Variants in SASS6 observed in about 807,000 individuals in gnomAD.
The protein encoded by SASS6 is spindle assembly abnormal protein 6 homolog.
In SASS6, 59 loss-of-function variants were observed where a neutral mutation model predicts 94.9. That is an observed-to-expected ratio of 0.62 (90% CI 0.50 to 0.77). The LOEUF (loss-of-function observed/expected upper bound fraction) is 0.77. Among genes scored for constraint, SASS6 ranks in the 30% least tolerant of loss-of-function variants. The pLI is 0.00. For synonymous variants in SASS6, 264 were observed against 270.0 expected, an observed-to-expected ratio of 0.98 and a Z score of 0.22; for missense variants, 698 against 734.1, an observed-to-expected ratio of 0.95 and a Z score of 0.57.
chr1:100,131,488 A>G (rs1310989800), intron 1 of SASS6, among the ~76,000 whole-genome samples: 1 of 152,248 alleles, frequency 6.6e-6, no homozygotes. Flanking sequence ...AAAAATTGAC[A>G]TATTTTACAT....
intron 14 of SASS6, among the ~76,000 whole-genome samples, chr1:100,101,866 C>T (rs1449201101): frequency 6.6e-6 from 1 of 152,238 alleles, no homozygotes; most frequent in East Asian, 1.9e-4. Context: ...AAAAAGAGCA[C>T]ATGCCTAAGC....
At chr1:100,123,177 A>G (rs376445155) in intron 3 of SASS6, 33 bp downstream of exon 3, 10 of 879,566 alleles carry the variant, frequency 1.1e-5, no homozygotes, top group African/African-American at 8.6e-5. Flanking sequence ...TTATTTTTTC[A>G]CTAAATATAA....
Position 100,085,270 on chromosome 1 carries a change from AT to A in SASS6, c.*57del. On this transcript the variant is annotated 3_prime_UTR_variant, in exon 17 of 17. Coordinates refer to ENST00000287482, the MANE Select transcript of SASS6 (RefSeq NM_194292.3). ...TTGAGGATCTGGTTTGTGTTGACAT[AT>A]TTTTTAAGCACCTGAGTTTCTAAAA... is the stretch of plus-strand genomic sequence containing the variant. 1 of 1,088,746 alleles carries A rather than the reference AT, an allele frequency of 9.2e-7. No homozygotes were observed. The highest frequency in any genetic ancestry group is 1.2e-5 in the South Asian group (1 of 80,314). 67.4% of individuals were successfully genotyped at this position (1,088,746 alleles called of 1,614,324 possible).
intron 12 of SASS6, 32 bp from the exon 13 acceptor site, chr1:100,105,935 A>G: frequency 7.2e-7 from 1 of 1,394,608 alleles, no homozygotes; most frequent in Non-Finnish European, 9.8e-7. Context: ...CAAGGTAAAG[A>G]ATATTGACTG....
At chr1:100,100,912 G>T (rs911944499) in intron 14 of SASS6, among the ~76,000 whole-genome samples, 4 of 152,114 alleles carry the variant, frequency 2.6e-5, no homozygotes, top group African/African-American at 9.7e-5. Flanking sequence ...ATTCACTGAG[G>T]TCTGAGAAGA....
At chr1:100,087,038 C>T (rs2101635031) in intron 15 of SASS6, among the ~76,000 whole-genome samples, 1 of 152,250 alleles carries the variant, frequency 6.6e-6, no homozygotes, top group African/African-American at 2.4e-5. Context: ...GGCTGGAGCA[C>T]AGTGGCACAA....
chr1:100,102,875 CT>C (rs1221588356), intron 14 of SASS6, 79 bp downstream of exon 14: 2 of 1,109,078 alleles, frequency 1.8e-6, no homozygotes, highest in Non-Finnish European at 2.6e-6. Flanking sequence ...AATAAATGAA[CT>C]TTTAAAAGAT....
chr1:100,086,783 T>C (rs1031998432), intron 15 of SASS6, among the ~76,000 whole-genome samples: 1 of 151,084 alleles, frequency 6.6e-6, no homozygotes, highest in African/African-American at 2.4e-5. Flanking sequence ...CAGACTCAAG[T>C]GATCCTCCTG....
At chr1:100,089,252 C>T (rs1008709895) in intron 14 of SASS6, among the ~76,000 whole-genome samples, 3 of 152,006 alleles carry the variant, frequency 2.0e-5, no homozygotes, top group African/African-American at 7.2e-5. Context: ...TAAACTAAGT[C>T]TCCCTGGGAA....
intron 2 of SASS6, among the ~76,000 whole-genome samples, chr1:100,125,108 C>T (rs1294287633): frequency 6.6e-6 from 1 of 152,046 alleles, no homozygotes; most frequent in Non-Finnish European, 1.5e-5. Context: ...GAGACTGATA[C>T]TCTAAATGCC....
At chr1:100,127,716 G>C (rs1265457113) in intron 1 of SASS6, among the ~76,000 whole-genome samples, 1 of 152,040 alleles carries the variant, frequency 6.6e-6, no homozygotes, top group East Asian at 1.9e-4. Flanking sequence ...GCTGGGCACA[G>C]TGCCTCCCAC....
At chr1:100,127,747 G>A (rs1435123902) in intron 1 of SASS6, among the ~76,000 whole-genome samples, 1 of 151,642 alleles carries the variant, frequency 6.6e-6, no homozygotes, top group East Asian at 1.9e-4. Flanking sequence ...GGCTACTTCA[G>A]AGGCTGAGGC....
chr1:100,120,094 G>T (rs183796051), intron 6 of SASS6, among the ~76,000 whole-genome samples: 1 of 152,160 alleles, frequency 6.6e-6, no homozygotes, highest in Non-Finnish European at 1.5e-5. Context: ...GGAATGAGGC[G>T]AACAAGTGGG....
At chr1:100,131,810 A>G (rs921764351) in intron 1 of SASS6, among the ~76,000 whole-genome samples, 3 of 151,920 alleles carry the variant, frequency 2.0e-5, no homozygotes, top group Non-Finnish European at 4.4e-5. Context: ...TACACCACTT[A>G]GTTTTCACAT....
chr1:100,132,736 G>A lies in SASS6; in HGVS notation c.65+14C>T. 5.6e-6 allele frequency: 9 copies of A among 1,610,474 alleles called. No homozygotes were observed. Among genetic ancestry groups the A allele is most frequent in the Non-Finnish European group, 7.6e-6 (9 of 1,176,886 alleles). On this transcript the variant is annotated intron_variant, in intron 1 of 16. Coordinates refer to ENST00000287482, the MANE Select transcript of SASS6 (RefSeq NM_194292.3). Reference sequence around the variant, plus strand: ...CAACCGCCACCCGCGGGCACTGGATGACGCGGACCTTACCTCTCCTCACAG... The same window carrying A: ...CAACCGCCACCCGCGGGCACTGGATAACGCGGACCTTACCTCTCCTCACAG...
intron 4 of SASS6, 56 bp downstream of exon 4, chr1:100,122,324 A>G: frequency 1.3e-6 from 1 of 780,160 alleles, no homozygotes; most frequent in South Asian, 1.7e-5. Context: ...CTTGTGTTTC[A>G]AAGAAGAGTC....
chr1:100,127,004 T>C (rs181660044), intron 1 of SASS6, among the ~76,000 whole-genome samples: 4 of 152,280 alleles, frequency 2.6e-5, no homozygotes, highest in African/African-American at 9.6e-5. Flanking sequence ...CTTTAAGCCC[T>C]GAGAGGGAGA....
chr1:100,112,996 T>C (rs145688012), intron 7 of SASS6, among the ~76,000 whole-genome samples: 65 of 152,254 alleles, frequency 4.3e-4, no homozygotes, highest in African/African-American at 1.5e-3. Context: ...TGCCTAACAA[T>C]CCTATCAGAA....
chr1:100,107,049 T>C (rs1652960568), intron 11 of SASS6, 56 bp from the exon 12 acceptor site: 3 of 738,364 alleles, frequency 4.1e-6, no homozygotes, highest in Middle Eastern at 3.1e-4. Context: ...AAATAAAAAC[T>C]GAAGAATGTA....
Sources: allele counts gnomAD v4.1 joint callset (sites outside exome capture counted in the v4.1 genomes callset), GRCh38; gene constraint gnomAD v4.1.1; transcripts MANE v1.5; gene names NCBI Gene and HGNC (gene_info 2026-07-23, HGNC 2026-07-21).